Variants in WWP2 observed in about 807,000 individuals in gnomAD.
WWP2 encodes the protein WW domain containing E3 ubiquitin protein ligase 2.
WWP2 carries 57 observed loss-of-function variants against 121.0 expected under a neutral mutation model. That is an observed-to-expected ratio of 0.47 (90% confidence interval 0.38 to 0.59). The LOEUF (loss-of-function observed/expected upper bound fraction) is 0.59. WWP2 is among the 20% of genes least tolerant of loss of function. The pLI, the probability that WWP2 is intolerant of heterozygous loss-of-function variation, is 0.00. For synonymous variants in WWP2, 449 were observed against 441.3 expected (o/e 1.02, Z -0.22); for missense variants, 962 against 1,158.9 (o/e 0.83, Z 2.47).
At chr16:69,939,809 G>A (rs1049795851) in intron 23 of WWP2, 32 bp from the exon 24 acceptor site, 8 of 1,599,082 alleles carry the variant, frequency 5.0e-6, no homozygotes, top group Non-Finnish European at 6.8e-6. Flanking sequence ...GGCCTCCTAG[G>A]GCTGACTGTC....
intron 7 of WWP2, among the ~76,000 whole-genome samples, chr16:69,874,228 C>A (rs1386070639): frequency 6.6e-6 from 1 of 152,198 alleles, no homozygotes; most frequent in Non-Finnish European, 1.5e-5. Flanking sequence ...ATAACGTCTG[C>A]CCCAAGGGTA....
At chr16:69,862,097 C>T (rs906067921) in intron 6 of WWP2, among the ~76,000 whole-genome samples, 5 of 152,176 alleles carry the variant, frequency 3.3e-5, no homozygotes, top group Non-Finnish European at 7.3e-5. Flanking sequence ...CAGACTTTCG[C>T]TCTTGTTGCC....
chr16:69,922,992 C>T (rs2058584645), intron 10 of WWP2, among the ~76,000 whole-genome samples: 1 of 151,930 alleles, frequency 6.6e-6, no homozygotes, highest in Admixed American at 6.6e-5. Context: ...TGGGTTTAAG[C>T]GATTATCCTG....
At chr16:69,915,857 G>C (rs2058472509) in intron 9 of WWP2, among the ~76,000 whole-genome samples, 1 of 151,988 alleles carries the variant, frequency 6.6e-6, no homozygotes, top group African/African-American at 2.4e-5. Flanking sequence ...CACACGGGGA[G>C]GCTTCCATGT....
At chr16:69,910,642 C>T (rs1424283850) in intron 9 of WWP2, among the ~76,000 whole-genome samples, 1 of 152,174 alleles carries the variant, frequency 6.6e-6, no homozygotes, top group Non-Finnish European at 1.5e-5. Flanking sequence ...AACTCTTGAC[C>T]TTGTGATTCG....
At chr16:69,908,639 T>A in intron 8 of WWP2, 122 bp from the exon 9 acceptor site, 1 of 1,528,076 alleles carries the variant, frequency 6.5e-7, no homozygotes, top group Non-Finnish European at 8.8e-7. Context: ...TGGGTCGGCC[T>A]CGCATGTCAT....
chr16:69,906,389 G>A (rs974197131), intron 8 of WWP2, among the ~76,000 whole-genome samples: 1 of 152,002 alleles, frequency 6.6e-6, no homozygotes, highest in African/African-American at 2.4e-5. Context: ...TCTGTTTCTG[G>A]ACTAGCTTCT....
At chr16:69,792,516 C>T (rs1423722352) in intron 2 of WWP2, among the ~76,000 whole-genome samples, 1 of 152,038 alleles carries the variant, frequency 6.6e-6, no homozygotes, top group Non-Finnish European at 1.5e-5. Flanking sequence ...TTATTTTAGC[C>T]TGTCTTTTAA....
At chr16:69,931,365 GTC>G in intron 14 of WWP2, 138 bp downstream of exon 14, 2 of 1,460,676 alleles carry the variant, frequency 1.4e-6, no homozygotes, top group East Asian at 4.6e-5. Flanking sequence ...GGAGCTGGCT[GTC>G]TCTAGGAAGC....
At chr16:69,930,609 G>A (rs371352844) in intron 13 of WWP2, among the ~76,000 whole-genome samples, 3 of 152,194 alleles carry the variant, frequency 2.0e-5, no homozygotes, top group South Asian at 4.1e-4. Context: ...TGAGGTGGGA[G>A]GATCCCTTGA....
Position 69,907,194 on chromosome 16 carries a change from C to T in WWP2, c.915-1567C>T, listed in dbSNP as rs142572773. 1.1e-3 allele frequency among the ~76,000 whole-genome samples: 164 copies of T among 152,246 alleles called. 1 individual carries two copies. Among genetic ancestry groups the T allele is most frequent in the African/African-American group, 2.8e-3 (117 of 41,542 alleles). ...TGGGAGTTGTAACTCCAGATGTTGA[C>T]GGTGTAGCCTATTAATACATTGTAA... On this transcript the variant is annotated intron_variant, in intron 8 of 23. Coordinates refer to ENST00000359154, the MANE Select transcript of WWP2 (RefSeq NM_001270454.2).
chr16:69,924,570 C>T (rs1597168275), intron 10 of WWP2, among the ~76,000 whole-genome samples: 1 of 152,232 alleles, frequency 6.6e-6, no homozygotes, highest in South Asian at 2.1e-4. Flanking sequence ...GACCTCGAAG[C>T]AGAATTTGGC....
intron 1 of WWP2, among the ~76,000 whole-genome samples, chr16:69,781,222 T>C (rs1249193805): frequency 1.3e-5 from 2 of 148,678 alleles, no homozygotes; most frequent in African/African-American, 2.5e-5. Context: ...AATCACAGCA[T>C]GATGAGGGTG....
At chr16:69,826,521 GA>G (rs1249887653) in intron 4 of WWP2, among the ~76,000 whole-genome samples, 1 of 137,132 alleles carries the variant, frequency 7.3e-6, no homozygotes, top group Non-Finnish European at 1.5e-5. Flanking sequence ...GCAGTAAGCC[GA>G]AATAGTGCCA....
intron 8 of WWP2, 60 bp downstream of exon 8, chr16:69,888,309 G>T: frequency 2.6e-6 from 4 of 1,543,268 alleles, no homozygotes; most frequent in Non-Finnish European, 3.5e-6. Context: ...GCTCCTTTAC[G>T]GGGGTGGAAA....
At chr16:69,845,559 AG>A (rs2151879810) in intron 6 of WWP2, among the ~76,000 whole-genome samples, 2 of 152,210 alleles carry the variant, frequency 1.3e-5, no homozygotes, top group Non-Finnish European at 2.9e-5. Context: ...CTGCCCATGA[AG>A]GTGAAGACTG....
At chr16:69,902,857 C>T (rs959357163) in intron 8 of WWP2, among the ~76,000 whole-genome samples, 2 of 152,002 alleles carry the variant, frequency 1.3e-5, no homozygotes, top group African/African-American at 4.8e-5. Flanking sequence ...TAGAATCCAC[C>T]GACTGTGCTG....
At chr16:69,829,954 C>A (rs922304616) in intron 4 of WWP2, among the ~76,000 whole-genome samples, 8 of 83,514 alleles carry the variant, frequency 9.6e-5, no homozygotes, top group African/African-American at 3.6e-4. Flanking sequence ...CTGCGCCCAG[C>A]TAATTTTTTT....
At chr16:69,931,722 C>G in intron 15 of WWP2, 80 bp from the exon 16 acceptor site, 1 of 1,578,368 alleles carries the variant, frequency 6.3e-7, no homozygotes, top group Non-Finnish European at 8.7e-7. Flanking sequence ...GATATTGGGC[C>G]TTAGAGTCCC....
Sources: gnomAD v4.1 joint callset for allele counts (sites outside exome capture counted in the v4.1 genomes callset) on GRCh38, gnomAD v4.1.1 for gene constraint, MANE v1.5 for transcripts, NCBI Gene and HGNC (gene_info 2026-07-23, HGNC 2026-07-21) for gene names.